The following EYS variants were observed in gnomAD, a reference collection of about 807,000 sequenced individuals.
EYS encodes protein eyes shut homolog.
EYS carries 250 observed loss-of-function variants against 282.1 expected under a neutral mutation model. The observed-to-expected ratio is 0.89, with a 90% CI of 0.80 to 0.98. The LOEUF (loss-of-function observed/expected upper bound fraction) is 0.98, where lower values mean the gene tolerates loss of function less well. Ranked by LOEUF, EYS falls within the 50% of genes least tolerant of loss-of-function variation. The pLI is 0.00. For synonymous variants in EYS, 1,355 were observed against 1,282.9 expected (o/e 1.06, Z -1.20); for missense variants, 4,016 against 3,709.0 (o/e 1.08, Z -2.15).
At chr6:64,776,394 C>T (rs1442006794) in intron 22 of EYS, among the ~76,000 whole-genome samples, 1 of 151,990 alleles carries the variant, frequency 6.6e-6, no homozygotes, top group Non-Finnish European at 1.5e-5. Context: ...TCTATAACAC[C>T]AGACAAAGAT....
chr6:64,084,792 G>C (rs1481931163), intron 31 of EYS, among the ~76,000 whole-genome samples: 1 of 152,160 alleles, frequency 6.6e-6, no homozygotes, highest in Non-Finnish European at 1.5e-5. Flanking sequence ...TAGTCAGGAA[G>C]AAACCTTTCT....
At chr6:63,728,263 C>T (rs1408891285) in intron 41 of EYS, among the ~76,000 whole-genome samples, 1 of 152,006 alleles carries the variant, frequency 6.6e-6, no homozygotes, top group Non-Finnish European at 1.5e-5. Context: ...TTAACATATG[C>T]ATATATCTAA....
chr6:65,410,558 C>G (rs190323547), intron 5 of EYS, among the ~76,000 whole-genome samples: 172 of 151,858 alleles, frequency 1.1e-3, no homozygotes, highest in Non-Finnish European at 2.1e-3. Flanking sequence ...CTTCCCCTCC[C>G]CAGTCTCTAG....
At chr6:64,492,316 A>G (rs1776764112) in intron 26 of EYS, among the ~76,000 whole-genome samples, 1 of 151,258 alleles carries the variant, frequency 6.6e-6, no homozygotes, top group Admixed American at 6.6e-5. Flanking sequence ...TCAATACTTA[A>G]CATACATTTG....
chr6:64,407,186 G>A (rs9359909), intron 28 of EYS, among the ~76,000 whole-genome samples: 42,110 of 151,762 alleles, frequency 0.28, 5,959 homozygotes, highest in East Asian at 0.47. Flanking sequence ...TTCTCAGCAA[G>A]CTAACGCATG....
At chr6:64,117,424 GA>G (rs1483728963) in intron 31 of EYS, among the ~76,000 whole-genome samples, 1 of 148,436 alleles carries the variant, frequency 6.7e-6, no homozygotes, top group African/African-American at 2.5e-5. Flanking sequence ...ATGAAACTAA[GA>G]GTTGGTTTTT....
intron 31 of EYS, among the ~76,000 whole-genome samples, chr6:64,161,817 G>A (rs1775116354): frequency 1.3e-5 from 2 of 152,136 alleles, no homozygotes; most frequent in Admixed American, 6.5e-5. Flanking sequence ...GCTGGTAGTT[G>A]TAAGATATTG....
chr6:64,729,967 A>G (rs908721818), intron 22 of EYS, among the ~76,000 whole-genome samples: 1 of 152,374 alleles, frequency 6.6e-6, no homozygotes. Context: ...TAAAGCATCC[A>G]GTGAGAAAAT....
chr6:64,972,964 A>G (rs752782745), intron 14 of EYS, among the ~76,000 whole-genome samples: 10 of 152,098 alleles, frequency 6.6e-5, no homozygotes, highest in Non-Finnish European at 1.5e-4. Context: ...AGTGATTGAG[A>G]AGAATCACAG....
At chr6:64,881,602 T>C (rs1012106253) in intron 19 of EYS, among the ~76,000 whole-genome samples, 5 of 151,960 alleles carry the variant, frequency 3.3e-5, no homozygotes, top group African/African-American at 1.2e-4. Context: ...GAACCTTCTC[T>C]GTTATGTTCA....
Position 64,635,791 on chromosome 6 carries a change from G to T in EYS, c.3444-9546C>A, listed in dbSNP as rs4510653. On this transcript the variant is annotated intron_variant, in intron 22 of 42. Transcript: ENST00000503581. ...ATATTGGTCAAAAATTCTCTTTTTTGGTTGTGTCTCTGCCAGGCTTTGGTA... is the reference window on the plus strand; with the variant it reads ...ATATTGGTCAAAAATTCTCTTTTTTTGTTGTGTCTCTGCCAGGCTTTGGTA... 5.0e-3 allele frequency among the ~76,000 whole-genome samples: 758 copies of T among 152,116 alleles called. 3 individuals carry two copies. Among genetic ancestry groups the T allele is most frequent in the Admixed American group, 8.0e-3 (122 of 15,272 alleles).
At chr6:64,497,623 T>C (rs1279648967) in intron 26 of EYS, among the ~76,000 whole-genome samples, 1 of 151,978 alleles carries the variant, frequency 6.6e-6, no homozygotes, top group Non-Finnish European at 1.5e-5. Context: ...GGTGATATAC[T>C]AAACTGATGT....
chr6:64,197,180 A>G (rs540111458), intron 31 of EYS, among the ~76,000 whole-genome samples: 2 of 152,178 alleles, frequency 1.3e-5, no homozygotes, highest in Non-Finnish European at 2.9e-5. Flanking sequence ...AAACCTATAA[A>G]GACTAGAAGA....
chr6:65,577,714 TAACTC>T (rs986431491), intron 2 of EYS, among the ~76,000 whole-genome samples: 4 of 146,176 alleles, frequency 2.7e-5, no homozygotes, highest in African/African-American at 1.0e-4. Flanking sequence ...ATAAAGAACT[TAACTC>T]AATAATATTA....
At chr6:64,060,288 T>A (rs1771120879) in intron 33 of EYS, among the ~76,000 whole-genome samples, 1 of 152,172 alleles carries the variant, frequency 6.6e-6, no homozygotes, top group Non-Finnish European at 1.5e-5. Context: ...GTATGGATAT[T>A]CTTTTTTCTT....
At chr6:65,116,148 A>G (rs1775367815) in intron 12 of EYS, among the ~76,000 whole-genome samples, 1 of 152,156 alleles carries the variant, frequency 6.6e-6, no homozygotes, top group Non-Finnish European at 1.5e-5. Flanking sequence ...AAATTTAAAT[A>G]TTCATGAAAA....
chr6:63,787,475 T>C (rs1770395746), intron 39 of EYS: 1 of 152,260 alleles, frequency 6.6e-6, no homozygotes, highest in African/African-American at 2.4e-5. Flanking sequence ...CCCATAATCC[T>C]GATTCCTTTA....
In EYS at chr6:65,018,605, G is replaced by T. The variant is rs145550695; in HGVS notation, c.2138-20902C>A. Among the ~76,000 whole-genome samples, 95 of 152,232 alleles carry T rather than the reference G, an allele frequency of 6.2e-4. 1 individual carries two copies. In the East Asian group the frequency reaches 0.014, roughly 22 times the overall value. ...GTAATTAGGACAACAATATAATTTTGGGAGGACACAACTCAATCAAATACA... is the reference window on the plus strand; with the variant it reads ...GTAATTAGGACAACAATATAATTTTTGGAGGACACAACTCAATCAAATACA... On this transcript the variant is annotated intron_variant, in intron 13 of 42. Transcript: ENST00000503581.
At chr6:64,724,480 G>A (rs2149946262) in intron 22 of EYS, among the ~76,000 whole-genome samples, 1 of 152,322 alleles carries the variant, frequency 6.6e-6, no homozygotes, top group Non-Finnish European at 1.5e-5. Context: ...AGCCTAATAT[G>A]TGTTTGATAT....
Sources: gnomAD v4.1 joint callset for allele counts (sites outside exome capture counted in the v4.1 genomes callset) on GRCh38, gnomAD v4.1.1 for gene constraint, MANE v1.5 for transcripts, NCBI Gene and HGNC (gene_info 2026-07-23, HGNC 2026-07-21) for gene names.